ZNF354C: variants seen among roughly 807,000 people sequenced by gnomAD.
ZNF354C encodes the protein KRAB-zinc finger protein synten.
A neutral mutation model predicts 12.4 loss-of-function variants in ZNF354C; 7 were observed. The ratio of observed to expected loss-of-function variants is 0.56; its 90% CI spans 0.32 to 1.06. The LOEUF is 1.06. Ranked by LOEUF, ZNF354C falls within the 50% of genes least tolerant of loss-of-function variation. ZNF354C has a pLI of 0.04. For synonymous variants in ZNF354C, 202 were observed against 224.5 expected, an observed-to-expected ratio of 0.90 and a Z score of 0.90; for missense variants, 609 against 658.0, an observed-to-expected ratio of 0.93 and a Z score of 0.81.
intron 2 of ZNF354C, among the ~76,000 whole-genome samples, chr5:179,071,623 G>A (rs2113116524): frequency 6.6e-6 from 1 of 152,248 alleles, no homozygotes; most frequent in South Asian, 2.1e-4. Context: ...TTTTGCCTGG[G>A]AGTAGGCCAC....
chr5:179,082,651 A>G lies in ZNF354C; in HGVS notation c.*2554A>G. On this transcript the variant is annotated 3_prime_UTR_variant, in exon 5 of 5. Transcript: ENST00000315475. Reference sequence around the variant, plus strand: ...CTCCCAACTTGATCATAGTGGATTAATGACGTGCTTTGTGGATGTGGTTAG... The same window carrying G: ...CTCCCAACTTGATCATAGTGGATTAGTGACGTGCTTTGTGGATGTGGTTAG... 6.4e-7 allele frequency: 1 copy of G among 1,558,424 alleles called. No individual in the cohort carries two copies. The highest frequency in any genetic ancestry group is 1.1e-5 in the South Asian group (1 of 89,686).
chr5:179,061,603 G>A (rs1481016743), intron 1 of ZNF354C, among the ~76,000 whole-genome samples: 1 of 152,082 alleles, frequency 6.6e-6, no homozygotes, highest in African/African-American at 2.4e-5. Context: ...GTAGGGATGC[G>A]GGGAAGCCTC....
intron 1 of ZNF354C, among the ~76,000 whole-genome samples, chr5:179,061,719 C>G (rs147412680): frequency 1.3e-5 from 2 of 152,094 alleles, no homozygotes; most frequent in Non-Finnish European, 2.9e-5. Context: ...ATATTCATTG[C>G]GACTTTTAGG....
chr5:179,074,779 G>T (rs1182130420), intron 2 of ZNF354C, among the ~76,000 whole-genome samples: 1 of 152,166 alleles, frequency 6.6e-6, no homozygotes, highest in African/African-American at 2.4e-5. Flanking sequence ...CTCTGAACTG[G>T]GAAAATCTTT....
chr5:179,075,278 AT>A (rs1040173575), intron 2 of ZNF354C, among the ~76,000 whole-genome samples: 3 of 149,874 alleles, frequency 2.0e-5, no homozygotes, highest in African/African-American at 7.4e-5. Flanking sequence ...AAAAAAAAAA[AT>A]AAGCTGGTGG....
chr5:179,066,107 A>T (rs1278118316), intron 2 of ZNF354C, among the ~76,000 whole-genome samples: 3 of 152,184 alleles, frequency 2.0e-5, no homozygotes, highest in African/African-American at 7.2e-5. Flanking sequence ...TATTTATTCA[A>T]ACATTCATTT....
At chr5:179,072,434 T>C (rs1311744497) in intron 2 of ZNF354C, among the ~76,000 whole-genome samples, 4 of 152,056 alleles carry the variant, frequency 2.6e-5, no homozygotes. Context: ...AATTAAATGA[T>C]ATTAAAAGGT....
At chr5:179,069,859 C>T (rs901407848) in intron 2 of ZNF354C, among the ~76,000 whole-genome samples, 1 of 152,186 alleles carries the variant, frequency 6.6e-6, no homozygotes, top group South Asian at 2.1e-4. Context: ...GAGCAAGACT[C>T]TGTCTCAAAA....
intron 2 of ZNF354C, among the ~76,000 whole-genome samples, chr5:179,065,824 C>T (rs1223522904): frequency 6.6e-6 from 1 of 152,174 alleles, no homozygotes; most frequent in South Asian, 2.1e-4. Flanking sequence ...GATGAAGCGT[C>T]AGTCTGATCA....
intron 1 of ZNF354C, among the ~76,000 whole-genome samples, chr5:179,061,346 G>A (rs1420861321): frequency 1.3e-5 from 2 of 152,182 alleles, no homozygotes; most frequent in Non-Finnish European, 2.9e-5. Flanking sequence ...AGCGACGGCT[G>A]TTTCTGGTTG....
Position 179,078,692 on chromosome 5 carries a change from C to T in ZNF354C, c.260C>T (p.Thr87Ile), listed in dbSNP as rs1303444689. 2 of 1,586,654 alleles carry T rather than the reference C, an allele frequency of 1.3e-6. No individual in the cohort carries two copies. Among genetic ancestry groups the T allele is most frequent in the African/African-American group, 1.4e-5 (1 of 73,418 alleles). Residue 87 changes from threonine to isoleucine, a missense_variant, in exon 5 of 5, where the codon ACT (threonine) becomes ATT (isoleucine). Thr to Ile is a moderately conservative substitution (Grantham distance 89). Coordinates refer to ENST00000315475, the MANE Select transcript of ZNF354C (RefSeq NM_014594.3). ...VPSDTRLGFK[T>I]WLETEALPHR... ...TTCTGATTCATTTTAGGTTTCAAGA[C>T]TTGGCTTGAAACAGAAGCATTGCCT...
chr5:179,078,141 C>A (rs1468177598), intron 4 of ZNF354C, among the ~76,000 whole-genome samples: 2 of 152,004 alleles, frequency 1.3e-5, no homozygotes, highest in Non-Finnish European at 2.9e-5. Flanking sequence ...TCACAGACTA[C>A]AATATAAAAT....
chr5:179,077,055 G>C lies in ZNF354C; in HGVS notation c.155-16G>C. On this transcript the variant is annotated splice_polypyrimidine_tract_variant and intron_variant, in intron 3 of 4. Coordinates refer to ENST00000315475, the MANE Select transcript of ZNF354C (RefSeq NM_014594.3). ...CATGCTATTTGTTCAAACTTCATTT[G>C]CTTCCTCATGAGCAGGGATTCCATT... 6.2e-7 allele frequency: 1 copy of C among 1,611,306 alleles called. No homozygotes were observed. The highest frequency in any genetic ancestry group is 8.5e-7 in the Non-Finnish European group (1 of 1,177,726).
chr5:179,061,470 G>A (rs1056168048), intron 1 of ZNF354C, among the ~76,000 whole-genome samples: 4 of 152,186 alleles, frequency 2.6e-5, no homozygotes, highest in Admixed American at 6.5e-5. Flanking sequence ...GGTAAGGCCC[G>A]ACGAAGATCT....
In ZNF354C at chr5:179,082,968, T is replaced by C; in HGVS notation, c.*2871T>C. On this transcript the variant is annotated 3_prime_UTR_variant, in exon 5 of 5. Transcript: ENST00000315475. ...AAGGCCATCCTCAACTTCTTTCATA[T>C]GGAAAAAGAGCTTCTTGCTATCCCC... The C allele has an allele frequency of 2.5e-6, 2 of 814,486 alleles. No individual in the cohort carries two copies. The highest frequency in any genetic ancestry group is 2.1e-6 in the Non-Finnish European group (1 of 475,216). The allele number at this position is 814,486 out of a possible 1,614,324, so 50.5% of individuals were successfully genotyped here.
At chr5:179,074,566 T>G (rs1327974690) in intron 2 of ZNF354C, among the ~76,000 whole-genome samples, 1 of 152,174 alleles carries the variant, frequency 6.6e-6, no homozygotes, top group Admixed American at 6.5e-5. Context: ...GTTCCTCCTT[T>G]GAGCTCTCCC....
intron 2 of ZNF354C, among the ~76,000 whole-genome samples, chr5:179,075,781 G>A (rs887657334): frequency 6.6e-5 from 10 of 152,104 alleles, no homozygotes; most frequent in African/African-American, 1.2e-4. Flanking sequence ...TCTATTTAGC[G>A]GCTGCATGAC....
chr5:179,064,197 A>G (rs1761930765), intron 2 of ZNF354C, among the ~76,000 whole-genome samples: 2 of 152,126 alleles, frequency 1.3e-5, no homozygotes, highest in South Asian at 2.1e-4. Flanking sequence ...GGAAGGGGTG[A>G]CAGCTGATTC....
At chr5:179,063,377 T>C (rs189612207) in intron 2 of ZNF354C, among the ~76,000 whole-genome samples, 4 of 152,252 alleles carry the variant, frequency 2.6e-5, no homozygotes, top group African/African-American at 7.2e-5. Context: ...CTGAGCAACA[T>C]AGTGAGGCCT....
Sources: gnomAD v4.1 joint callset for allele counts (sites outside exome capture counted in the v4.1 genomes callset) on GRCh38, gnomAD v4.1.1 for gene constraint, MANE v1.5 for transcripts, NCBI Gene and HGNC (gene_info 2026-07-23, HGNC 2026-07-21) for gene names.